Variants in C2orf81 observed in about 807,000 individuals in gnomAD.
The protein encoded by C2orf81 is chromosome 2 open reading frame 81, also known as uncharacterized protein C2orf81.
Under a neutral mutation model 7.9 loss-of-function variants are expected in C2orf81, and 5 were observed. The observed-to-expected ratio is 0.63, with a 90% CI of 0.33 to 1.33. The LOEUF is 1.33. Among genes scored for constraint, C2orf81 ranks in the 40% most tolerant of loss-of-function variants. C2orf81 has a pLI of 0.05. For missense variants in C2orf81, 781 were observed against 830.4 expected (o/e 0.94, Z 0.73); for synonymous variants, 346 against 367.4 (o/e 0.94, Z 0.66).
chr2:74,415,250 T>C lies in C2orf81; in HGVS notation c.927A>G (p.Gln309=), dbSNP rs1262230257. 2.6e-6 allele frequency: 4 copies of C among 1,551,294 alleles called. No individual in the cohort carries two copies. The East Asian group carries it at 7.3e-5, about 28-fold the overall frequency. ...CCAGCCGATCCCCAGCCGCGTCCAG[T>C]TGAGGCATGCAACAGTAGAGGTCTT... ...SLEDLYCCMP[Q]LDAAGDRLEL... is the part of the protein sequence containing the mutation. Residue 309 remains glutamine, a synonymous_variant, in exon 3 of 3, where the codon CAA becomes CAG. Coordinates refer to ENST00000684111, the MANE Select transcript of C2orf81 (RefSeq NM_001316764.3). The surrounding 1 kb of genome is among the most constrained non-coding windows in gnomAD (Gnocchi z 5.5).
rs550608609 is a variant in C2orf81 at position 74,414,638 on chromosome 2, C to T, written c.1539G>A (p.Leu513=). Residue 513 remains leucine (L), a synonymous_variant, in exon 3 of 3, where the codon CTG becomes CTA. Coordinates refer to ENST00000684111, the MANE Select transcript of C2orf81 (RefSeq NM_001316764.3). This position sits in a 1 kb window ranked among gnomAD's most constrained non-coding sequence, Gnocchi z 5.3. ...TCCGGCCAGCCCACAGCTCGCCCAGCAGCTCGGCCTTCCCCTCCCAACCGC... is the reference window on the plus strand; with the variant it reads ...TCCGGCCAGCCCACAGCTCGCCCAGTAGCTCGGCCTTCCCCTCCCAACCGC... The part of the protein sequence containing the change: ...WPSGWEGKAE[L]LGELWAGRTR... 3.0e-5 allele frequency: 47 copies of T among 1,549,862 alleles called. 1 individual carries two copies. The highest frequency in any genetic ancestry group is 9.5e-5 in the South Asian group (8 of 83,862).
chr2:74,415,743 G>A lies in C2orf81; in HGVS notation c.434C>T (p.Ser145Phe), dbSNP rs750878861. The A allele has an allele frequency of 1.9e-6, 3 of 1,551,476 alleles. No homozygotes were observed. The African/African-American group carries it at 4.1e-5, about 21-fold the overall frequency. The change falls in exon 3 of 3, where the codon TCC becomes TTC. Residue 145 changes from serine (S) to phenylalanine (F), a missense_variant. Ser to Phe is a radical substitution (Grantham distance 155). Coordinates refer to ENST00000684111, the MANE Select transcript of C2orf81 (RefSeq NM_001316764.3). The surrounding 1 kb of genome is among the most constrained non-coding windows in gnomAD (Gnocchi z 5.5). ...GAAGTTCTCCAGGCCCTCCGAGGTG[G>A]ACGCGTGCAGCACGGGCACTGAACC... The part of the protein sequence containing the change: ...AQGSVPVLHA[S>F]TSEGLENFQG...
At chr2:74,420,355 G>A (rs1676569059) in intron 1 of C2orf81, among the ~76,000 whole-genome samples, 1 of 151,340 alleles carries the variant, frequency 6.6e-6, no homozygotes, top group African/African-American at 2.4e-5. Context: ...ACAATCTCTT[G>A]GGAGCTCCCT....
At chr2:74,418,068 G>A in intron 1 of C2orf81, 3 of 553,626 alleles carry the variant, frequency 5.4e-6, no homozygotes, top group South Asian at 1.7e-5. Context: ...AGGGGTGGGG[G>A]GTGGGAGGTG....
At chr2:74,417,691 G>GC (rs1676504954) in intron 1 of C2orf81, 1 of 611,446 alleles carries the variant, frequency 1.6e-6, no homozygotes, top group Non-Finnish European at 2.5e-6. Flanking sequence ...GGGGGCTTGG[G>GC]CCCCTTTTAA....
intron 1 of C2orf81, among the ~76,000 whole-genome samples, chr2:74,420,196 T>C (rs1258571242): frequency 3.9e-5 from 6 of 152,170 alleles, no homozygotes; most frequent in Non-Finnish European, 5.9e-5. Context: ...AAGGAAAACT[T>C]CAAAATGATA....
At chr2:74,419,074 G>A (rs1676538458) in intron 1 of C2orf81, among the ~76,000 whole-genome samples, 1 of 151,996 alleles carries the variant, frequency 6.6e-6, no homozygotes. Flanking sequence ...CCAGCTACTA[G>A]GGAGGCTGAG....
intron 1 of C2orf81, chr2:74,418,426 G>A (rs776098503): frequency 5.1e-6 from 8 of 1,568,812 alleles, no homozygotes; most frequent in Non-Finnish European, 6.1e-6. Context: ...GCTGGACTTC[G>A]AGCTCGACTC....
Position 74,415,511 on chromosome 2 carries a change from C to A in C2orf81, c.666G>T (p.Ser222=). ...WEPSPQLRVT[S]APPPTSELFQ... ...ACAGCTCTGATGTGGGAGGAGGGGC[C>A]GACGTGACTCTCAGCTGCGGAGAAG... The change falls in exon 3 of 3, where the codon TCG becomes TCT. Residue 222 remains serine, a synonymous_variant. Transcript: ENST00000684111. This position sits in a 1 kb window ranked among gnomAD's most constrained non-coding sequence, Gnocchi z 5.5. The A allele has an allele frequency of 6.5e-7, 1 of 1,544,668 alleles. No homozygotes were observed. The highest frequency in any genetic ancestry group is 8.8e-7 in the Non-Finnish European group (1 of 1,141,766).
At chr2:74,418,110 C>T in intron 1 of C2orf81, 1 of 727,962 alleles carries the variant, frequency 1.4e-6, no homozygotes, top group Non-Finnish European at 2.5e-6. Flanking sequence ...GCTGTCCAGT[C>T]CCAGAAGGAA....
intron 1 of C2orf81, chr2:74,418,530 G>T: frequency 1.2e-6 from 1 of 855,062 alleles, no homozygotes; most frequent in Non-Finnish European, 1.9e-6. Flanking sequence ...CCGGTTTGCC[G>T]GGAGCAGCGG....
At position 74,414,723 on chromosome 2, in the gene C2orf81, A is replaced by ACAT. The variant is rs1676391400; in HGVS notation, c.1453_1454insATG (p.Pro484_Val485insAsp). The ACAT allele has an allele frequency of 6.5e-7, 1 of 1,547,638 alleles. No individual in the cohort carries two copies. The highest frequency in any genetic ancestry group is 8.7e-7 in the Non-Finnish European group (1 of 1,144,498). On this transcript the variant is annotated inframe_insertion, in exon 3 of 3. Coordinates refer to ENST00000684111, the MANE Select transcript of C2orf81 (RefSeq NM_001316764.3). This position sits in a 1 kb window ranked among gnomAD's most constrained non-coding sequence, Gnocchi z 5.3. ...GCGGCTGCGGGCCACATCAGGGAGC[A>ACAT]CCGGGTGTGTGGTGAGGAAGCGGAT...
At position 74,415,701 on chromosome 2, in the gene C2orf81, G is replaced by A. The variant is rs1346773312; in HGVS notation, c.476C>T (p.Ser159Phe). 2.6e-6 allele frequency: 4 copies of A among 1,551,464 alleles called. No individual in the cohort carries two copies. Reference protein sequence around the residue: ...GLENFQGEVHSSGASPDSSAI... With the variant: ...GLENFQGEVHFSGASPDSSAI... Reference sequence around the variant, plus strand: ...AGAGGAGTCCGGAGAGGCTCCTGAGGAGTGTACTTCGCCTTGGAAGTTCTC... The same window carrying A: ...AGAGGAGTCCGGAGAGGCTCCTGAGAAGTGTACTTCGCCTTGGAAGTTCTC... Residue 159 changes from serine (S) to phenylalanine (F), a missense_variant, in exon 3 of 3, where the codon TCC (serine) becomes TTC (phenylalanine). Transcript: ENST00000684111. This position sits in a 1 kb window ranked among gnomAD's most constrained non-coding sequence, Gnocchi z 5.5.
At chr2:74,420,648 TAA>T (rs1336865537) in intron 1 of C2orf81, among the ~76,000 whole-genome samples, 1 of 151,966 alleles carries the variant, frequency 6.6e-6, no homozygotes, top group Admixed American at 6.6e-5. Context: ...CTGGACTGAG[TAA>T]AGAGAGTTGT....
chr2:74,418,305 C>T (rs918177972), intron 1 of C2orf81: 17 of 1,607,556 alleles, frequency 1.1e-5, no homozygotes, highest in East Asian at 4.5e-5. Flanking sequence ...CGCTGAGCTC[C>T]TTCTGACTCC....
At chr2:74,418,138 G>C in intron 1 of C2orf81, 1 of 850,442 alleles carries the variant, frequency 1.2e-6, no homozygotes. Flanking sequence ...CTCCAGTGAG[G>C]ACTCCTGCGA....
At chr2:74,416,830 A>ATT (rs530639283) in intron 1 of C2orf81, among the ~76,000 whole-genome samples, 13 of 148,004 alleles carry the variant, frequency 8.8e-5, no homozygotes, top group African/African-American at 3.0e-4. Context: ...CCAGAAAAGG[A>ATT]TTTTTTTTTT....
Position 74,416,005 on chromosome 2 carries a change from GC to G in C2orf81, c.249+5del. On this transcript the variant is annotated splice_donor_5th_base_variant and intron_variant, in intron 2 of 2. Transcript: ENST00000684111. ...ACGAGTCTGAAGGACCCGGATCCCG[GC>G]CCACCTGCTGAGTCAGGTAGACTTT... 1.9e-6 allele frequency: 3 copies of G among 1,549,876 alleles called. No individual in the cohort carries two copies. The highest frequency in any genetic ancestry group is 2.6e-6 in the Non-Finnish European group (3 of 1,146,710).
intron 1 of C2orf81, chr2:74,417,718 C>T (rs1676505885): frequency 1.8e-6 from 1 of 564,648 alleles, no homozygotes; most frequent in African/African-American, 1.9e-5. Context: ...GGGAACCCTC[C>T]CAGGCCCCTC....
Sources: allele counts gnomAD v4.1 joint callset (sites outside exome capture counted in the v4.1 genomes callset), GRCh38; gene constraint gnomAD v4.1.1; non-coding constraint Gnocchi (gnomAD v3.1); transcripts MANE v1.5; gene names NCBI Gene and HGNC (gene_info 2026-07-23, HGNC 2026-07-21).